TTC39B: variants seen among roughly 807,000 people sequenced by gnomAD.
TTC39B encodes tetratricopeptide repeat protein 39B.
A neutral mutation model predicts 96.6 loss-of-function variants in TTC39B; 92 were observed. The observed-to-expected ratio is 0.95, with a 90% CI of 0.80 to 1.13. TTC39B has a LOEUF of 1.13. TTC39B is among the 50% of genes most tolerant of loss of function. TTC39B has a pLI of 0.00. For synonymous variants in TTC39B, 367 were observed against 299.4 expected (o/e 1.23, Z -2.33); for missense variants, 955 against 809.3 (o/e 1.18, Z -2.18).
In TTC39B at chr9:15,177,139, G is replaced by T. The variant is rs572468975; in HGVS notation, c.1841+558C>A. On this transcript the variant is annotated intron_variant, in intron 18 of 19. Coordinates refer to ENST00000512701, the Ensembl canonical transcript of TTC39B. Reference sequence around the variant, plus strand: ...TATAGTGGGTGCTCAAATATCCATGGAATAAATGAATGGACAAATAAATGT... The same window carrying T: ...TATAGTGGGTGCTCAAATATCCATGTAATAAATGAATGGACAAATAAATGT... Among the ~76,000 whole-genome samples the T allele has an allele frequency of 3.4e-4, 52 of 152,184 alleles. 1 individual carries two copies. The highest frequency in any genetic ancestry group is 2.0e-3 in the Admixed American group (30 of 15,286).
chr9:15,226,926 A>T (rs1482579570), intron 2 of TTC39B, among the ~76,000 whole-genome samples: 1 of 152,172 alleles, frequency 6.6e-6, no homozygotes, highest in East Asian at 1.9e-4. Flanking sequence ...TAGAGTCATT[A>T]AAAAAAGAGG....
At chr9:15,201,777 T>C (rs1013994553) in intron 7 of TTC39B, among the ~76,000 whole-genome samples, 3 of 152,084 alleles carry the variant, frequency 2.0e-5, no homozygotes, top group Admixed American at 6.5e-5. Flanking sequence ...GTAGGGAACA[T>C]AGAGAGGAGG....
Position 15,199,020 on chromosome 9 carries a change from G to A in TTC39B, c.824+841C>T, listed in dbSNP as rs566257059. 2.0e-4 allele frequency among the ~76,000 whole-genome samples: 31 copies of A among 152,254 alleles called. No individual in the cohort carries two copies. In the East Asian group the frequency reaches 3.3e-3, roughly 16 times the overall value. The stretch of plus-strand genomic sequence containing the variant: ...AGAATTATAAATACATATTATAAAA[G>A]CCTAACAACAGAGCTCCTAAATATA... On this transcript the variant is annotated intron_variant, in intron 8 of 19. Coordinates refer to ENST00000512701, the Ensembl canonical transcript of TTC39B.
rs539807112 is a variant in TTC39B, at chr9:15,303,616, T to C, written c.240+3468A>G. On this transcript the variant is annotated intron_variant, in intron 1 of 19. Coordinates refer to ENST00000512701, the Ensembl canonical transcript of TTC39B. ...TGAAAAGTGATTTTTAGTGAACTTT[T>C]GTTTCATATGAGAAAAATTTTTTTT... Among the ~76,000 whole-genome samples, 85 of 152,198 alleles carry C rather than the reference T, an allele frequency of 5.6e-4. 1 individual carries two copies. The highest frequency in any genetic ancestry group is 1.9e-3 in the African/African-American group (78 of 41,530).
intron 10 of TTC39B, 77 bp from the exon 11 acceptor site, chr9:15,190,739 T>A: frequency 6.0e-6 from 7 of 1,166,412 alleles, no homozygotes; most frequent in Non-Finnish European, 8.8e-6. Flanking sequence ...AACATTTTTA[T>A]ATATTAGGGG....
At chr9:15,185,865 A>T (rs1321691029) in intron 15 of TTC39B, among the ~76,000 whole-genome samples, 1 of 152,220 alleles carries the variant, frequency 6.6e-6, no homozygotes, top group Non-Finnish European at 1.5e-5. Context: ...TATTACACAG[A>T]TCTATAAAAT....
At chr9:15,172,761 G>A (rs532062610) in intron 19 of TTC39B, among the ~76,000 whole-genome samples, 80 of 152,218 alleles carry the variant, frequency 5.3e-4, no homozygotes, top group African/African-American at 1.7e-3. Flanking sequence ...TTTACATACT[G>A]CCTTGGCCCA....
chr9:15,240,498 TG>T (rs1821989928), intron 2 of TTC39B, among the ~76,000 whole-genome samples: 1 of 151,734 alleles, frequency 6.6e-6, no homozygotes, highest in East Asian at 1.9e-4. Flanking sequence ...TACTTTTCAA[TG>T]TTTTTTTTTC....
intron 14 of TTC39B, among the ~76,000 whole-genome samples, chr9:15,187,661 T>C (rs773695059): frequency 6.6e-6 from 1 of 152,208 alleles, no homozygotes; most frequent in South Asian, 2.1e-4. Flanking sequence ...AATCACACCA[T>C]GTTGCCCTGG....
In TTC39B at chr9:15,306,967, C is replaced by A; in HGVS notation, c.240+117G>T. The A allele has an allele frequency of 6.8e-7, 1 of 1,467,300 alleles. No homozygotes were observed. The highest frequency in any genetic ancestry group is 1.3e-5 in the South Asian group (1 of 77,132). 90.9% of individuals were successfully genotyped at this position (1,467,300 alleles called of 1,614,324 possible). ...CCCCACCCGGCGCCCGCCAGCCCAC[C>A]CCAGAGAGGGGACCAAGGGGGCGGG... On this transcript the variant is annotated intron_variant, in intron 1 of 19. Transcript: ENST00000512701. The surrounding 1 kb of genome is among the most constrained non-coding windows in gnomAD (Gnocchi z 5.1).
exon 20 of TTC39B, chr9:15,170,501 A>C (rs1157854129): frequency 6.6e-6 from 1 of 152,188 alleles, no homozygotes; most frequent in Non-Finnish European, 1.5e-5. Context: ...TTTACAGTTT[A>C]CAAAAAGCTA....
intron 7 of TTC39B, among the ~76,000 whole-genome samples, chr9:15,201,349 C>T (rs1819527607): frequency 6.6e-6 from 1 of 151,172 alleles, no homozygotes; most frequent in Admixed American, 6.6e-5. Flanking sequence ...AATGCAAAAA[C>T]AGATGAAAGT....
chr9:15,214,152 A>T (rs1820364832), exon 4 of TTC39B: 1 of 1,613,490 alleles, frequency 6.2e-7, no homozygotes, highest in Non-Finnish European at 8.5e-7. Context: ...GGGCGAAGCA[A>T]TTCTAAGGCG....
intron 18 of TTC39B, among the ~76,000 whole-genome samples, chr9:15,175,547 A>G (rs971038768): frequency 1.3e-5 from 2 of 152,232 alleles, no homozygotes; most frequent in Admixed American, 6.5e-5. Flanking sequence ...ATACTTTAAA[A>G]GGCCAATAAA....
rs1202575492 is a variant in TTC39B, at chr9:15,203,776, T to C, written c.759+47A>G. On this transcript the variant is annotated intron_variant, in intron 7 of 19. Transcript: ENST00000512701. ...TGCACCACATTTTTCTATGCAGCAC[T>C]GGCAGTCTTCCCAGCCAATACGAAT... The C allele has an allele frequency of 2.6e-6, 4 of 1,522,656 alleles. No individual in the cohort carries two copies. In the African/African-American group the frequency reaches 4.1e-5, roughly 16 times the overall value. 94.3% of individuals were successfully genotyped at this position (1,522,656 alleles called of 1,614,324 possible).
chr9:15,259,729 A>G (rs1173850770), intron 2 of TTC39B, among the ~76,000 whole-genome samples: 1 of 152,164 alleles, frequency 6.6e-6, no homozygotes, highest in Non-Finnish European at 1.5e-5. Flanking sequence ...TTCACTTACT[A>G]TATTTTTTAT....
intron 18 of TTC39B, among the ~76,000 whole-genome samples, chr9:15,176,133 G>C (rs1028459126): frequency 6.6e-6 from 1 of 152,058 alleles, no homozygotes; most frequent in African/African-American, 2.4e-5. Flanking sequence ...AAACCTTTAG[G>C]GTACCTGACA....
rs566046953 is a variant in TTC39B at position 15,187,529 on chromosome 9, AG to A, written c.1395+441del. On this transcript the variant is annotated intron_variant, in intron 14 of 19. Coordinates refer to ENST00000512701, the Ensembl canonical transcript of TTC39B. ...GGCTGGAGTGCAGTGGTGTGATCAT[AG>A]CTCACTGTAGCCTCGAACTCTTGGA... Among the ~76,000 whole-genome samples, 323 of 152,314 alleles carry A rather than the reference AG, an allele frequency of 2.1e-3. 2 individuals are homozygous for A. Among genetic ancestry groups the A allele is most frequent in the African/African-American group, 7.6e-3 (315 of 41,570 alleles).
At position 15,264,172 on chromosome 9, in the gene TTC39B, C is replaced by A. The variant is rs143954333; in HGVS notation, c.275+3742G>T. Among the ~76,000 whole-genome samples, 446 of 152,254 alleles carry A rather than the reference C, an allele frequency of 2.9e-3. 2 individuals carry two copies. Among genetic ancestry groups the A allele is most frequent in the African/African-American group, 0.01 (421 of 41,552 alleles). ...GACAGTAGAATAAAAGACACCAAGA[C>A]AATGCTTCTCGAATTCCCCACTTTA... On this transcript the variant is annotated intron_variant, in intron 2 of 19. Coordinates refer to ENST00000512701, the Ensembl canonical transcript of TTC39B.
Sources: allele counts gnomAD v4.1 joint callset (sites outside exome capture counted in the v4.1 genomes callset), GRCh38; gene constraint gnomAD v4.1.1; non-coding constraint Gnocchi (gnomAD v3.1); transcripts MANE v1.5; gene names NCBI Gene and HGNC (gene_info 2026-07-23, HGNC 2026-07-21).